Variants in SLC24A3 observed in about 807,000 individuals in gnomAD.
SLC24A3 encodes solute carrier family 24 member 3.
A neutral mutation model predicts 75.8 loss-of-function variants in SLC24A3; 28 were observed. That is an observed-to-expected ratio of 0.37 (90% CI 0.27 to 0.51). The LOEUF (loss-of-function observed/expected upper bound fraction) is 0.51, where lower values mean the gene tolerates loss of function less well. SLC24A3 is among the 20% of genes least tolerant of loss of function. The pLI, the probability that SLC24A3 is intolerant of heterozygous loss-of-function variation, is 0.94. For synonymous variants in SLC24A3, 372 were observed against 334.1 expected, an observed-to-expected ratio of 1.11 and a Z score of -1.24; for missense variants, 663 against 847.8, an observed-to-expected ratio of 0.78 and a Z score of 2.71.
rs778571020 is a variant in SLC24A3, at chr20:19,685,154, A to G, written c.1117A>G (p.Ile373Val). ...AYTNGESEVA[I>V]KIPIKHTVEN... is the part of the protein sequence containing the mutation. ...TACCAACGGGGAATCTGAGGTGGCC[A>G]TCAAAATCCCAATTAAGCACACCGT... Residue 373 changes from isoleucine (I) to valine (V), a missense_variant, in exon 12 of 17, where the codon ATC becomes GTC. By Grantham distance (29) the Ile-to-Val change is conservative (BLOSUM62 3). Around this residue, in one of 2 missense-constraint regions of SLC24A3, gnomAD observed 510 missense variants for 703.6 expected, o/e 0.72. Coordinates refer to ENST00000328041, the MANE Select transcript of SLC24A3 (RefSeq NM_020689.4). The G allele has an allele frequency of 1.2e-6, 2 of 1,613,890 alleles. No individual in the cohort carries two copies. Among genetic ancestry groups the G allele is most frequent in the East Asian group, 2.2e-5 (1 of 44,860 alleles).
intron 12 of SLC24A3, among the ~76,000 whole-genome samples, chr20:19,687,503 CCT>C (rs1357019243): frequency 6.6e-6 from 1 of 152,198 alleles, no homozygotes; most frequent in Non-Finnish European, 1.5e-5. Context: ...TTACTCAACC[CCT>C]GTTTTCAGAG....
chr20:19,682,132 G>C (rs564518831), intron 10 of SLC24A3, 141 bp downstream of exon 10: 165 of 959,458 alleles, frequency 1.7e-4, no homozygotes, highest in Non-Finnish European at 2.3e-4. Context: ...GCCCAAGCCT[G>C]TAATCCCAGC....
chr20:19,501,430 C>T (rs183371384), intron 2 of SLC24A3, among the ~76,000 whole-genome samples: 2 of 152,280 alleles, frequency 1.3e-5, no homozygotes, highest in Admixed American at 6.5e-5. Flanking sequence ...TCTCTAGACT[C>T]GAAAAGCATT....
intron 1 of SLC24A3, among the ~76,000 whole-genome samples, chr20:19,217,431 A>G (rs1981592237): frequency 1.3e-5 from 2 of 152,238 alleles, no homozygotes; most frequent in Admixed American, 6.5e-5. Context: ...ACAAACATAT[A>G]TAGACAAACA....
At chr20:19,267,641 C>T (rs1308914379) in intron 1 of SLC24A3, among the ~76,000 whole-genome samples, 5 of 152,054 alleles carry the variant, frequency 3.3e-5, no homozygotes, top group African/African-American at 4.8e-5. Flanking sequence ...GGAACATACA[C>T]GTTTTTAGAA....
chr20:19,624,606 A>T (rs1032374225), intron 6 of SLC24A3, among the ~76,000 whole-genome samples: 15 of 152,236 alleles, frequency 9.9e-5, no homozygotes, highest in African/African-American at 3.6e-4. Context: ...GAGCTGGCAA[A>T]CCATCACTTC....
chr20:19,411,195 GC>G (rs1397530261), intron 2 of SLC24A3, among the ~76,000 whole-genome samples: 3 of 152,108 alleles, frequency 2.0e-5, no homozygotes, highest in Admixed American at 2.0e-4. Context: ...GCACACTTTT[GC>G]ATCAGGGCTC....
At chr20:19,621,398 G>A (rs728173) in intron 6 of SLC24A3, among the ~76,000 whole-genome samples, 45,925 of 151,974 alleles carry the variant, frequency 0.3, 7,235 homozygotes, top group East Asian at 0.54. Flanking sequence ...ATTTGTAGAA[G>A]GGTTGTTGGT....
At chr20:19,450,318 C>G (rs919266527) in intron 2 of SLC24A3, among the ~76,000 whole-genome samples, 1 of 152,162 alleles carries the variant, frequency 6.6e-6, no homozygotes, top group East Asian at 1.9e-4. Context: ...GGGTTGCATC[C>G]CTGGCACTTG....
chr20:19,523,272 G>A (rs189451193), intron 3 of SLC24A3, among the ~76,000 whole-genome samples: 39 of 152,300 alleles, frequency 2.6e-4, no homozygotes, highest in African/African-American at 9.4e-4. Context: ...GGTCAGAAAG[G>A]TCCCAGCAAC....
chr20:19,440,818 T>A (rs896298177), intron 2 of SLC24A3, among the ~76,000 whole-genome samples: 1 of 152,036 alleles, frequency 6.6e-6, no homozygotes, highest in Non-Finnish European at 1.5e-5. Context: ...GGATGGAAGA[T>A]GAACTTAAGG....
intron 12 of SLC24A3, among the ~76,000 whole-genome samples, chr20:19,690,182 T>C (rs1600342427): frequency 6.6e-6 from 1 of 152,224 alleles, no homozygotes; most frequent in South Asian, 2.1e-4. Context: ...ATTCAGATAA[T>C]GCTCATTGAA....
At chr20:19,642,298 C>T (rs2032085631) in intron 6 of SLC24A3, among the ~76,000 whole-genome samples, 1 of 152,200 alleles carries the variant, frequency 6.6e-6, no homozygotes, top group African/African-American at 2.4e-5. Flanking sequence ...TGTATATATG[C>T]ACACAGTAAT....
At chr20:19,574,771 G>A (rs777986777) in intron 3 of SLC24A3, among the ~76,000 whole-genome samples, 9 of 152,144 alleles carry the variant, frequency 5.9e-5, no homozygotes, top group Non-Finnish European at 1.2e-4. Flanking sequence ...ATGCTGTGAC[G>A]AGGCCCATGT....
intron 3 of SLC24A3, among the ~76,000 whole-genome samples, chr20:19,550,780 T>C (rs1249921478): frequency 6.6e-6 from 1 of 152,170 alleles, no homozygotes; most frequent in East Asian, 1.9e-4. Context: ...AGGAACCATA[T>C]TGAAGAAATG....
At chr20:19,538,434 C>T (rs543600955) in intron 3 of SLC24A3, among the ~76,000 whole-genome samples, 1 of 152,208 alleles carries the variant, frequency 6.6e-6, no homozygotes, top group African/African-American at 2.4e-5. Flanking sequence ...AAGAAAATAA[C>T]AGACAACTTT....
intron 2 of SLC24A3, among the ~76,000 whole-genome samples, chr20:19,370,632 C>A (rs1438592284): frequency 6.6e-6 from 1 of 152,256 alleles, no homozygotes; most frequent in African/African-American, 2.4e-5. Context: ...TTAAATCATG[C>A]TCCTGTGCCA....
intron 2 of SLC24A3, among the ~76,000 whole-genome samples, chr20:19,466,632 G>A (rs757465397): frequency 6.6e-6 from 1 of 152,060 alleles, no homozygotes; most frequent in African/African-American, 2.4e-5. Flanking sequence ...CTGATAAGTC[G>A]CCACAGGATC....
intron 2 of SLC24A3, among the ~76,000 whole-genome samples, chr20:19,486,703 G>A (rs746018146): frequency 2.4e-4 from 37 of 152,126 alleles, no homozygotes; most frequent in African/African-American, 4.3e-4. Context: ...TGTATGTCTC[G>A]TCAACCCAAT....
Sources: allele counts gnomAD v4.1 joint callset (sites outside exome capture counted in the v4.1 genomes callset), GRCh38; gene constraint gnomAD v4.1.1; regional missense constraint gnomAD v4.1.1; transcripts MANE v1.5; gene names NCBI Gene and HGNC (gene_info 2026-07-23, HGNC 2026-07-21).